Variants in KCNH7 observed in about 807,000 individuals in gnomAD.
The protein encoded by KCNH7 is potassium voltage-gated channel subfamily H member 7, also known as voltage-gated inwardly rectifying potassium channel KCNH7.
In KCNH7, 49 loss-of-function variants were observed where a neutral mutation model predicts 120.8. That is an observed-to-expected ratio of 0.41 (90% CI 0.32 to 0.51). The LOEUF (loss-of-function observed/expected upper bound fraction) is 0.51. Among genes scored for constraint, KCNH7 ranks in the 20% least tolerant of loss-of-function variants. The pLI is 0.38. For synonymous variants in KCNH7, 547 were observed against 516.1 expected, an observed-to-expected ratio of 1.06 and a Z score of -0.81; for missense variants, 1,097 against 1,446.6, an observed-to-expected ratio of 0.76 and a Z score of 3.92.
intron 11 of KCNH7, 102 bp from the exon 12 acceptor site, chr2:162,394,587 T>C (rs1686849023): frequency 2.9e-6 from 2 of 689,790 alleles, no homozygotes; most frequent in Non-Finnish European, 4.9e-6. Flanking sequence ...TCAACCATCT[T>C]GAGACTTAAT....
chr2:162,402,095 T>A lies in KCNH7; in HGVS notation c.2155-1654A>T, dbSNP rs74624857. ...CATCTGTAATCTCTCCCCTTAACTG[T>A]AACTGTTGGGCTTGGTCTACATGAC... On this transcript the variant is annotated intron_variant, in intron 9 of 15. Coordinates refer to ENST00000332142, the MANE Select transcript of KCNH7 (RefSeq NM_033272.4). Among the ~76,000 whole-genome samples, 544 of 151,596 alleles carry A rather than the reference T, an allele frequency of 3.6e-3. 1 individual carries two copies. Among genetic ancestry groups the A allele is most frequent in the African/African-American group, 0.012 (516 of 41,378 alleles).
chr2:162,714,319 T>A (rs1389175122), intron 2 of KCNH7, among the ~76,000 whole-genome samples: 1 of 152,096 alleles, frequency 6.6e-6, no homozygotes, highest in Non-Finnish European at 1.5e-5. Context: ...TCATATCAGT[T>A]AATGTTCCAA....
At chr2:162,567,535 G>A (rs1265228142) in intron 2 of KCNH7, among the ~76,000 whole-genome samples, 1 of 151,990 alleles carries the variant, frequency 6.6e-6, no homozygotes, top group East Asian at 1.9e-4. Context: ...TATGGCTTCA[G>A]TAGAGCATCC....
At chr2:162,639,821 A>G (rs1276917799) in intron 2 of KCNH7, among the ~76,000 whole-genome samples, 1 of 152,106 alleles carries the variant, frequency 6.6e-6, no homozygotes, top group Non-Finnish European at 1.5e-5. Flanking sequence ...GCACACAAAA[A>G]TCCTAAGGAA....
At chr2:162,586,516 G>A (rs187595276) in intron 2 of KCNH7, among the ~76,000 whole-genome samples, 1 of 152,024 alleles carries the variant, frequency 6.6e-6, no homozygotes, top group Non-Finnish European at 1.5e-5. Context: ...GGTGAGTCCA[G>A]CCAGGGTTAC....
At chr2:162,452,408 T>TA (rs1244176215) in intron 6 of KCNH7, among the ~76,000 whole-genome samples, 2 of 152,128 alleles carry the variant, frequency 1.3e-5, no homozygotes, top group Non-Finnish European at 2.9e-5. Context: ...GTTGGTTTCT[T>TA]ATTAGGCAAA....
chr2:162,493,704 T>C (rs530819189), intron 6 of KCNH7, among the ~76,000 whole-genome samples: 1 of 152,342 alleles, frequency 6.6e-6, no homozygotes, highest in African/African-American at 2.4e-5. Context: ...TGCTAAGAGT[T>C]GCCATCATAA....
chr2:162,503,882 C>A (rs1558981917), intron 6 of KCNH7, among the ~76,000 whole-genome samples: 1 of 151,958 alleles, frequency 6.6e-6, no homozygotes, highest in African/African-American at 2.4e-5. Context: ...AGCAGTATAC[C>A]TGCTAGCTTT....
At chr2:162,624,866 T>C (rs888476714) in intron 2 of KCNH7, among the ~76,000 whole-genome samples, 1 of 150,304 alleles carries the variant, frequency 6.7e-6, no homozygotes, top group Admixed American at 6.7e-5. Context: ...TCAAGGAGCA[T>C]GGTGGTTAAA....
rs374339147 is a variant in KCNH7 at position 162,837,351 on chromosome 2, A to G, written c.77-584T>C. Among the ~76,000 whole-genome samples the G allele has an allele frequency of 2.5e-4, 38 of 152,332 alleles. No homozygotes were observed. In the South Asian group the frequency reaches 7.7e-3, roughly 31 times the overall value. ...ACAAGGCAAAGATTCACATTTTCAT[A>G]ATATATATTTCCCAAAAGAAAAATA... is the stretch of plus-strand genomic sequence containing the variant. On this transcript the variant is annotated intron_variant, in intron 1 of 15. Transcript: ENST00000332142.
Position 162,381,685 on chromosome 2 carries a change from TCTTC to T in KCNH7, c.2963-1668_2963-1665del, listed in dbSNP as rs1224485412. 3.9e-5 allele frequency among the ~76,000 whole-genome samples: 6 copies of T among 152,254 alleles called. No individual in the cohort carries two copies. The East Asian group carries it at 1.2e-3, about 29-fold the overall frequency. ...GGCTTGCTATGAATTCCAGAAAGAC[TCTTC>T]CTGATTACGGCTTTTGTTCTTATTT... On this transcript the variant is annotated intron_variant, in intron 13 of 15. Coordinates refer to ENST00000332142, the MANE Select transcript of KCNH7 (RefSeq NM_033272.4).
chr2:162,477,817 TATCCATCCATCCATCC>T (rs4001398), intron 6 of KCNH7, among the ~76,000 whole-genome samples: 5 of 148,898 alleles, frequency 3.4e-5, no homozygotes, highest in Non-Finnish European at 7.4e-5. Flanking sequence ...CCCAAACATC[TATCCATCCATCCATCC>T]ATCCATCCAT....
At chr2:162,784,179 A>T (rs555479820) in intron 2 of KCNH7, among the ~76,000 whole-genome samples, 50 of 152,310 alleles carry the variant, frequency 3.3e-4, no homozygotes, top group African/African-American at 1.1e-3. Context: ...TGAAAAAAAA[A>T]TATGCTACTT....
At chr2:162,661,974 G>C (rs1684977288) in intron 2 of KCNH7, among the ~76,000 whole-genome samples, 1 of 151,856 alleles carries the variant, frequency 6.6e-6, no homozygotes, top group African/African-American at 2.4e-5. Flanking sequence ...CAACTTTAAA[G>C]AAAATTAAGC....
chr2:162,579,055 A>G (rs891113483), intron 2 of KCNH7, among the ~76,000 whole-genome samples: 22 of 152,140 alleles, frequency 1.4e-4, no homozygotes, highest in African/African-American at 4.8e-4. Flanking sequence ...CAGGCTTAGC[A>G]TGAAGAAAAA....
At chr2:162,584,519 A>C (rs574864691) in intron 2 of KCNH7, among the ~76,000 whole-genome samples, 17 of 152,110 alleles carry the variant, frequency 1.1e-4, no homozygotes, top group Non-Finnish European at 2.2e-4. Context: ...TTGAAATATC[A>C]AAAGAATCTT....
rs921293589 is a variant in KCNH7 at position 162,755,899 on chromosome 2, G to A, written c.307+80638C>T. Among the ~76,000 whole-genome samples the A allele has an allele frequency of 5.3e-5, 8 of 152,096 alleles. 1 individual carries two copies. In the East Asian group the frequency reaches 1.5e-3, roughly 29 times the overall value. On this transcript the variant is annotated intron_variant, in intron 2 of 15. Transcript: ENST00000332142. ...TAGAAGTGGTGTATACTCAACCAGA[G>A]TGATAGTCTTATTTATATCTGCTTT... is the stretch of plus-strand genomic sequence containing the variant.
intron 2 of KCNH7, among the ~76,000 whole-genome samples, chr2:162,710,924 C>T (rs1242440210): frequency 1.3e-5 from 2 of 152,128 alleles, no homozygotes; most frequent in Non-Finnish European, 2.9e-5. Context: ...TTATGGCCTA[C>T]AAACCGCCAT....
intron 6 of KCNH7, among the ~76,000 whole-genome samples, chr2:162,448,373 T>A (rs1209394205): frequency 6.6e-6 from 1 of 152,108 alleles, no homozygotes; most frequent in Admixed American, 6.6e-5. Flanking sequence ...TTCAAAGTCA[T>A]TAAAGTCATT....
Sources: allele counts gnomAD v4.1 joint callset (sites outside exome capture counted in the v4.1 genomes callset), GRCh38; gene constraint gnomAD v4.1.1; transcripts MANE v1.5; gene names NCBI Gene and HGNC (gene_info 2026-07-23, HGNC 2026-07-21).